The following PLAG1 variants were observed in gnomAD, a reference collection of about 807,000 sequenced individuals.
PLAG1 encodes zinc finger protein PLAG1.
A neutral mutation model predicts 35.5 loss-of-function variants in PLAG1; 7 were observed. The observed-to-expected ratio is 0.20, with a 90% CI of 0.11 to 0.37. The LOEUF is 0.37. Ranked by LOEUF, PLAG1 falls within the 10% of genes least tolerant of loss-of-function variation. The pLI, the probability that PLAG1 is intolerant of heterozygous loss-of-function variation, is 1.00. For missense variants in PLAG1, 454 were observed against 602.8 expected (o/e 0.75, Z 2.58); for synonymous variants, 229 against 225.4 (o/e 1.02, Z -0.14).
chr8:56,189,459 A>G (rs192046266), intron 1 of PLAG1, among the ~76,000 whole-genome samples: 24 of 152,308 alleles, frequency 1.6e-4, no homozygotes, highest in Admixed American at 1.4e-3. Context: ...TAAGGGATAT[A>G]AGAACAAACT....
chr8:56,175,680 G>A (rs1322158836), intron 2 of PLAG1, among the ~76,000 whole-genome samples: 17 of 152,120 alleles, frequency 1.1e-4, no homozygotes, highest in Admixed American at 1.1e-3. Flanking sequence ...CCTTACTGAT[G>A]TTTAGAAATG....
chr8:56,187,620 T>C (rs113572727), intron 1 of PLAG1, among the ~76,000 whole-genome samples: 1 of 152,198 alleles, frequency 6.6e-6, no homozygotes, highest in African/African-American at 2.4e-5. Flanking sequence ...CAGAAGTAAG[T>C]GCTGCCCTGG....
At position 56,167,595 on chromosome 8, in the gene PLAG1, C is replaced by A. The variant is rs1811399298; in HGVS notation, c.243-92G>T. ...TGGAAGCTAAACTACTATGCTAACA[C>A]AGAATTCCCTTAGTAATGGAAACTG... is the stretch of plus-strand genomic sequence containing the variant. On this transcript the variant is annotated intron_variant, in intron 4 of 4. Coordinates refer to ENST00000316981, the MANE Select transcript of PLAG1 (RefSeq NM_002655.3). This position sits in a 1 kb window ranked among gnomAD's most constrained non-coding sequence, Gnocchi z 5.9. 1 of 754,862 alleles carries A rather than the reference C, an allele frequency of 1.3e-6. No homozygotes were observed. The allele number at this position is 754,862 out of a possible 1,614,324, so 46.8% of individuals were successfully genotyped here.
chr8:56,167,007 G>C lies in PLAG1; in HGVS notation c.739C>G (p.Pro247Ala). 1 of 1,614,128 alleles carries C rather than the reference G, an allele frequency of 6.2e-7. No homozygotes were observed. Among genetic ancestry groups the C allele is most frequent in the Non-Finnish European group, 8.5e-7 (1 of 1,180,010 alleles). The change falls in exon 5 of 5, where the codon CCA (proline) becomes GCA (alanine). Residue 247 changes from proline (P) to alanine (A), a missense_variant. Physicochemically the swap from Pro to Ala is conservative, Grantham distance 27. Around this residue, in one of 4 missense-constraint regions of PLAG1, gnomAD observed 271 missense variants for 315.6 expected, o/e 0.86. Transcript: ENST00000316981. This position sits in a 1 kb window ranked among gnomAD's most constrained non-coding sequence, Gnocchi z 5.9. ...NQELLKVKTE[P>A]VDFLDPFTCN... ...GTAAATGGGTCAAGGAAATCCACTG[G>C]TTCTGTTTTGACCTTCAGAAGCTCT...
intron 2 of PLAG1, 146 bp downstream of exon 2, chr8:56,179,263 A>G (rs1009459480): frequency 6.6e-6 from 1 of 152,642 alleles, no homozygotes; most frequent in Non-Finnish European, 1.5e-5. Context: ...ATCACAGTAC[A>G]TACTGATAGA....
rs1175018791 is a variant in PLAG1 at position 56,167,934 on chromosome 8, TG to T, written c.242+93del. 1.4e-6 allele frequency: 1 copy of T among 699,616 alleles called. No individual in the cohort carries two copies. Among genetic ancestry groups the T allele is most frequent in the Non-Finnish European group, 2.4e-6 (1 of 418,632 alleles). The allele number at this position is 699,616 out of a possible 1,614,324, so 43.3% of individuals were successfully genotyped here. A position where few individuals can be genotyped will look rare whatever the true frequency, so the allele number is the denominator to read the frequency against. Reference sequence around the variant, plus strand: ...TAACATTTCCTCTTTGCAAATTAGCTGAAAAATGTGTATACAAATACATACG... The same window carrying T: ...TAACATTTCCTCTTTGCAAATTAGCTAAAAATGTGTATACAAATACATACG... On this transcript the variant is annotated intron_variant, in intron 4 of 4. Coordinates refer to ENST00000316981, the MANE Select transcript of PLAG1 (RefSeq NM_002655.3). The surrounding 1 kb of genome is among the most constrained non-coding windows in gnomAD (Gnocchi z 5.9).
intron 1 of PLAG1, among the ~76,000 whole-genome samples, chr8:56,201,328 T>G (rs1320360185): frequency 6.6e-6 from 1 of 152,230 alleles, no homozygotes; most frequent in East Asian, 1.9e-4. Context: ...TTCATTATTC[T>G]GAAATCAGAC....
intron 1 of PLAG1, among the ~76,000 whole-genome samples, chr8:56,194,098 T>C (rs1418388150): frequency 1.3e-5 from 2 of 152,016 alleles, no homozygotes; most frequent in Admixed American, 1.3e-4. Context: ...TGGATCACTT[T>C]AGGCTAGCAG....
chr8:56,180,352 G>A (rs74765174), intron 1 of PLAG1, among the ~76,000 whole-genome samples: 1,905 of 152,312 alleles, frequency 0.013, 43 homozygotes, highest in African/African-American at 0.043. Flanking sequence ...TATTATGTAT[G>A]GTTCCAGTCT....
chr8:56,206,606 AG>A (rs1812708798), intron 1 of PLAG1, among the ~76,000 whole-genome samples: 2 of 152,034 alleles, frequency 1.3e-5, no homozygotes, highest in Non-Finnish European at 2.9e-5. Context: ...TTAACTTTAC[AG>A]CTAATCAATC....
Position 56,166,430 on chromosome 8 carries a change from C to G in PLAG1, c.1316G>C (p.Ser439Thr). Residue 439 changes from serine (S) to threonine (T), a missense_variant, in exon 5 of 5, where the codon AGC becomes ACC. Physicochemically the swap from Ser to Thr is moderately conservative, Grantham distance 58. Transcript: ENST00000316981. ...GPPYNPLSVG[S>T]LGMSYSQEEA... ...TTCCTGGGAATAGCTCATTCCAAGG[C>G]TCCCCACTGATAGAGGATTATAGGG... 6.2e-7 allele frequency: 1 copy of G among 1,612,812 alleles called. No individual in the cohort carries two copies. Among genetic ancestry groups the G allele is most frequent in the South Asian group, 1.1e-5 (1 of 90,908 alleles).
intron 2 of PLAG1, chr8:56,178,076 C>CCTGTA: frequency 6.5e-5 from 55 of 849,500 alleles, no homozygotes; most frequent in Non-Finnish European, 7.5e-5. Context: ...GCACATGGAA[C>CCTGTA]TACAGGTTGA....
At chr8:56,209,166 T>G (rs1204361505) in intron 1 of PLAG1, 12 of 152,254 alleles carry the variant, frequency 7.9e-5, no homozygotes, top group Non-Finnish European at 7.3e-5. Context: ...TTGATCTCAC[T>G]GCACAGAATT....
intron 1 of PLAG1, among the ~76,000 whole-genome samples, chr8:56,204,072 G>A (rs1325381677): frequency 1.3e-5 from 2 of 151,904 alleles, no homozygotes; most frequent in East Asian, 3.8e-4. Flanking sequence ...TGTTCCATAA[G>A]TTGCAGTTGT....
intron 2 of PLAG1, among the ~76,000 whole-genome samples, chr8:56,173,589 T>TA (rs34522063): frequency 0.26 from 38,491 of 146,464 alleles, 5,653 homozygotes; most frequent in African/African-American, 0.41. Context: ...CTTTTCTACT[T>TA]AAAAAAAAAA....
chr8:56,175,820 C>A (rs560770132), intron 2 of PLAG1, among the ~76,000 whole-genome samples: 2 of 152,018 alleles, frequency 1.3e-5, no homozygotes, highest in African/African-American at 4.8e-5. Flanking sequence ...ATCAGAAAAC[C>A]CCAATATCAG....
chr8:56,161,048 T>C lies in PLAG1; in HGVS notation c.*5195A>G, dbSNP rs1040732796. On this transcript the variant is annotated 3_prime_UTR_variant, in exon 5 of 5. Transcript: ENST00000316981. ...GCAAATTAATATTTTAAATCTGGTA[T>C]ATGGACAATAAATAGTCTGCTTCTT... 5.5e-6 allele frequency: 1 copy of C among 183,326 alleles called. No individual in the cohort carries two copies. Among genetic ancestry groups the C allele is most frequent in the African/African-American group, 2.4e-5 (1 of 42,552 alleles). 11.4% of individuals were successfully genotyped at this position (183,326 alleles called of 1,614,324 possible). A position where few individuals can be genotyped will look rare whatever the true frequency, so the allele number is the denominator to read the frequency against.
chr8:56,162,371 AT>A lies in PLAG1; in HGVS notation c.*3871del, dbSNP rs34715615. 25,889 of 225,066 alleles carry A rather than the reference AT, an allele frequency of 0.12. 1,740 individuals are homozygous for A. Among genetic ancestry groups the A allele is most frequent in the Middle Eastern group, 0.19 (140 of 742 alleles). The allele number at this position is 225,066 out of a possible 1,614,324, so 13.9% of individuals were successfully genotyped here. ...TGAGACACGTAAACCTTGTAAAAAA[AT>A]AAACCATTGTAAAACCTTATGAAAA... On this transcript the variant is annotated 3_prime_UTR_variant, in exon 5 of 5. Coordinates refer to ENST00000316981, the MANE Select transcript of PLAG1 (RefSeq NM_002655.3).
intron 1 of PLAG1, among the ~76,000 whole-genome samples, chr8:56,191,462 G>A (rs562778666): frequency 2.0e-5 from 3 of 152,122 alleles, no homozygotes; most frequent in South Asian, 2.1e-4. Flanking sequence ...ACAATGATGC[G>A]ACTTTACAAG....
Sources: gnomAD v4.1 joint callset for allele counts (sites outside exome capture counted in the v4.1 genomes callset) on GRCh38, gnomAD v4.1.1 for gene constraint, gnomAD v4.1.1 regional missense constraint, Gnocchi (gnomAD v3.1) non-coding constraint, MANE v1.5 for transcripts, NCBI Gene and HGNC (gene_info 2026-07-23, HGNC 2026-07-21) for gene names.